The following NEBL variants were observed in gnomAD, a reference collection of about 807,000 sequenced individuals.
NEBL encodes LIM and SH3 protein 2.
In NEBL, 122 loss-of-function variants were observed where a neutral mutation model predicts 140.2. The observed-to-expected ratio is 0.87, with a 90% CI of 0.75 to 1.01. The LOEUF (loss-of-function observed/expected upper bound fraction) is 1.01. Ranked by LOEUF, NEBL falls within the 50% of genes least tolerant of loss-of-function variation. NEBL has a pLI of 0.00. For missense variants in NEBL, 1,365 were observed against 1,231.3 expected, an observed-to-expected ratio of 1.11 and a Z score of -1.62; for synonymous variants, 436 against 398.9, an observed-to-expected ratio of 1.09 and a Z score of -1.11.
intron 4 of NEBL, 118 bp downstream of exon 4, chr10:20,887,979 C>T (rs1200990486): frequency 1.3e-6 from 1 of 760,790 alleles, no homozygotes; most frequent in African/African-American, 1.7e-5. Flanking sequence ...CAGTTGCTTT[C>T]AACTTTCATT....
At chr10:20,802,255 A>G (rs1251353293) in intron 26 of NEBL, among the ~76,000 whole-genome samples, 1 of 152,236 alleles carries the variant, frequency 6.6e-6, no homozygotes, top group East Asian at 1.9e-4. Flanking sequence ...GCAAACACAA[A>G]GATCAAAGGA....
In NEBL at chr10:21,146,255, C is replaced by A. The variant is rs1053896624; in HGVS notation, c.164+26128G>T. The A allele has an allele frequency of 1.3e-5, 13 of 1,036,592 alleles. No homozygotes were observed. The East Asian group carries it at 2.9e-4, about 23-fold the overall frequency. The allele number at this position is 1,036,592 out of a possible 1,614,324, so 64.2% of individuals were successfully genotyped here. A position where few individuals can be genotyped will look rare whatever the true frequency, so the allele number is the denominator to read the frequency against. ...TCCGTTCACCCCTCTTACAGCTGCA[C>A]GTGTCAGGCAGCATCATTTACATCA... On this transcript the variant is annotated intron_variant, in intron 2 of 6. Transcript: ENST00000417816.
In NEBL at chr10:21,067,033, C is replaced by G. The variant is rs546486442; in HGVS notation, c.165-46832G>C. ...TGTTGCCCAGGCTGTAGTGCAGTGG[C>G]GCGATCTCCACTCACTGAAAGCTCC... On this transcript the variant is annotated intron_variant, in intron 2 of 6. Coordinates refer to the NEBL transcript ENST00000417816. Among the ~76,000 whole-genome samples the G allele has an allele frequency of 1.2e-4, 16 of 131,618 alleles. No homozygotes were observed. The South Asian group carries it at 3.3e-3, about 27-fold the overall frequency. The allele number at this position is 131,618 out of a possible 152,430, so 86.3% of individuals were successfully genotyped here. A position where few individuals can be genotyped will look rare whatever the true frequency, so the allele number is the denominator to read the frequency against.
intron 18 of NEBL, among the ~76,000 whole-genome samples, chr10:20,824,082 C>T (rs550068047): frequency 1.3e-5 from 2 of 152,208 alleles, no homozygotes; most frequent in South Asian, 4.1e-4. Context: ...GTTCTTTGAA[C>T]TCATAAAATG....
At chr10:21,291,576 C>T (rs1481008035) in intron 1 of NEBL, among the ~76,000 whole-genome samples, 3 of 151,328 alleles carry the variant, frequency 2.0e-5, no homozygotes, top group African/African-American at 7.3e-5. Context: ...CTACTCAGCA[C>T]TGGGCTTGAC....
chr10:21,229,345 C>T (rs1290322923), intron 3 of NEBL, among the ~76,000 whole-genome samples: 2 of 152,088 alleles, frequency 1.3e-5, no homozygotes, highest in Non-Finnish European at 2.9e-5. Context: ...CACTTGAGCC[C>T]GAGTGGTTGA....
intron 2 of NEBL, chr10:21,030,374 G>A: frequency 1.6e-6 from 1 of 611,334 alleles, no homozygotes; most frequent in South Asian, 1.5e-5. Flanking sequence ...AGACCAGGAT[G>A]CAGGAAGGAG....
chr10:21,233,653 CAT>C (rs888009255), intron 3 of NEBL, among the ~76,000 whole-genome samples: 17 of 140,984 alleles, frequency 1.2e-4, no homozygotes, highest in Non-Finnish European at 3.0e-5. Flanking sequence ...TCTATATATA[CAT>C]ATATAGATAT....
intron 26 of NEBL, among the ~76,000 whole-genome samples, chr10:20,806,813 T>C (rs773477199): frequency 2.0e-5 from 3 of 152,198 alleles, no homozygotes; most frequent in Non-Finnish European, 2.9e-5. Context: ...AGACATGAAG[T>C]AAAGGGTCAT....
intron 3 of NEBL, among the ~76,000 whole-genome samples, chr10:20,995,258 G>A (rs565611973): frequency 1.8e-3 from 279 of 152,264 alleles, no homozygotes; most frequent in Non-Finnish European, 2.8e-3. Flanking sequence ...CGGCATGCAG[G>A]GCAGACATCA....
chr10:20,942,461 T>C (rs949668583), intron 4 of NEBL, among the ~76,000 whole-genome samples: 1 of 152,178 alleles, frequency 6.6e-6, no homozygotes, highest in African/African-American at 2.4e-5. Flanking sequence ...AAGACTTAAA[T>C]GTCAGAACTA....
At chr10:20,809,767 A>T (rs746712331) in intron 25 of NEBL, 39 bp downstream of exon 25, 4 of 1,455,116 alleles carry the variant, frequency 2.7e-6, no homozygotes, top group Non-Finnish European at 3.9e-6. Flanking sequence ...TTTTGGGACA[A>T]AACCACATAA....
chr10:21,030,447 C>T (rs1256814824), intron 2 of NEBL: 1 of 687,208 alleles, frequency 1.5e-6, no homozygotes, highest in Non-Finnish European at 2.6e-6. Context: ...CACTCTCCAA[C>T]TTCTAAATCT....
intron 3 of NEBL, among the ~76,000 whole-genome samples, chr10:21,225,104 T>C (rs1335786721): frequency 6.6e-6 from 1 of 152,092 alleles, no homozygotes; most frequent in Non-Finnish European, 1.5e-5. Context: ...AAGCTTTCAG[T>C]TTTTCCCCAT....
chr10:20,995,640 A>G (rs766278725), intron 3 of NEBL, among the ~76,000 whole-genome samples: 6 of 152,150 alleles, frequency 3.9e-5, no homozygotes, highest in Non-Finnish European at 5.9e-5. Flanking sequence ...TCACTGCTCT[A>G]TATTTTTGTA....
intron 3 of NEBL, among the ~76,000 whole-genome samples, chr10:20,979,962 A>C (rs1836965382): frequency 6.6e-6 from 1 of 152,042 alleles, no homozygotes; most frequent in Non-Finnish European, 1.5e-5. Flanking sequence ...CAAATCACTG[A>C]GATTACAGAA....
At chr10:21,181,296 G>C (rs1841382989) in intron 3 of NEBL, among the ~76,000 whole-genome samples, 1 of 150,426 alleles carries the variant, frequency 6.6e-6, no homozygotes, top group South Asian at 2.1e-4. Flanking sequence ...AGTGAATGTA[G>C]CCACGTTCTG....
intron 3 of NEBL, among the ~76,000 whole-genome samples, chr10:21,223,907 AGCTCCTTATATATTCTGGTT>A (rs1463156959): frequency 6.6e-6 from 1 of 151,898 alleles, no homozygotes; most frequent in African/African-American, 2.4e-5. Context: ...TATTGTTTTG[AGCTCCTTATATATTCTGGTT>A]ATTAATCCCT....
At chr10:21,042,195 C>T (rs145864502) in intron 2 of NEBL, among the ~76,000 whole-genome samples, 245 of 152,304 alleles carry the variant, frequency 1.6e-3, no homozygotes, top group African/African-American at 4.6e-3. Context: ...CTGTATTTAA[C>T]GTCTCATTTA....
Sources: gnomAD v4.1 joint callset for allele counts (sites outside exome capture counted in the v4.1 genomes callset) on GRCh38, gnomAD v4.1.1 for gene constraint, MANE v1.5 for transcripts, NCBI Gene and HGNC (gene_info 2026-07-23, HGNC 2026-07-21) for gene names.